Variants in CHEK1 observed in about 807,000 individuals in gnomAD.
The protein encoded by CHEK1 is checkpoint kinase 1.
CHEK1 carries 32 observed loss-of-function variants against 60.2 expected under a neutral mutation model. The ratio of observed to expected loss-of-function variants is 0.53; its 90% CI spans 0.40 to 0.71. CHEK1 has a LOEUF of 0.71. CHEK1 is among the 30% of genes least tolerant of loss of function. The pLI is 0.00. For missense variants in CHEK1, 399 were observed against 564.6 expected (o/e 0.71, Z 2.97); for synonymous variants, 179 against 187.2 (o/e 0.96, Z 0.36).
intron 5 of CHEK1, among the ~76,000 whole-genome samples, chr11:125,632,632 T>C (rs954996513): frequency 1.6e-4 from 24 of 152,214 alleles, no homozygotes; most frequent in African/African-American, 5.8e-4. Context: ...TCTGATATTT[T>C]TTTTTTGTAC....
chr11:125,674,322 AG>A (rs1032013309), intron 13 of CHEK1, among the ~76,000 whole-genome samples: 2 of 152,208 alleles, frequency 1.3e-5, no homozygotes, highest in African/African-American at 4.8e-5. Flanking sequence ...ATTTTGATTA[AG>A]GGGGGCATAG....
At position 125,625,730 on chromosome 11, in the gene CHEK1, C is replaced by A; in HGVS notation, c.-303C>A. 1 of 664,392 alleles carries A rather than the reference C, an allele frequency of 1.5e-6. No individual in the cohort carries two copies. The highest frequency in any genetic ancestry group is 1.6e-5 in the South Asian group (1 of 63,252). The allele number at this position is 664,392 out of a possible 1,614,324, so 41.2% of individuals were successfully genotyped here. A position where few individuals can be genotyped will look rare whatever the true frequency, so the allele number is the denominator to read the frequency against. On this transcript the variant is annotated 5_prime_UTR_variant, in exon 1 of 13. Transcript: ENST00000438015. ...TCGAGCCTCACACCGGATGCCACTT[C>A]ATATTTGGGCCCAGAGCTCAATTCG...
chr11:125,664,742 A>AT (rs895693917), intron 13 of CHEK1, among the ~76,000 whole-genome samples: 15 of 150,654 alleles, frequency 1.0e-4, no homozygotes, highest in South Asian at 4.2e-4. Flanking sequence ...CTTCATTCCG[A>AT]TTTTTTTTTG....
At chr11:125,644,297 T>C (rs1232136557) in intron 10 of CHEK1, 29 bp downstream of exon 10, 3 of 1,578,328 alleles carry the variant, frequency 1.9e-6, no homozygotes, top group Non-Finnish European at 2.6e-6. Context: ...TTAAAAGTAA[T>C]GGCAGCTCTT....
chr11:125,670,233 T>C (rs1942176031), intron 13 of CHEK1, among the ~76,000 whole-genome samples: 1 of 152,206 alleles, frequency 6.6e-6, no homozygotes, highest in South Asian at 2.1e-4. Context: ...GTCTGTTTAT[T>C]CGTATGGCAC....
intron 8 of CHEK1, among the ~76,000 whole-genome samples, chr11:125,639,502 G>A (rs184170458): frequency 1.4e-5 from 2 of 144,772 alleles, no homozygotes; most frequent in South Asian, 2.3e-4. Context: ...TTAGCCACCC[G>A]AGTAGCTGGG....
At chr11:125,677,231 G>A (rs190341115), downstream of CHEK1, among the ~76,000 whole-genome samples, 11 of 152,292 alleles carry the variant, frequency 7.2e-5, no homozygotes, top group East Asian at 1.2e-3. Flanking sequence ...ATAACTTGAG[G>A]CATCAAACTT....
downstream of CHEK1, chr11:125,677,959 T>C (rs1342578932): frequency 9.3e-6 from 15 of 1,612,070 alleles, no homozygotes; most frequent in Non-Finnish European, 1.1e-5. Context: ...TCAAGCTCAC[T>C]CAAAGGCTGT....
At chr11:125,675,959 G>A (rs575353095) in exon 14 of CHEK1, 10 of 161,010 alleles carry the variant, frequency 6.2e-5, no homozygotes, top group Admixed American at 1.8e-4. Context: ...CCAGGCTGGA[G>A]TACAATGGCA....
chr11:125,643,618 G>A (rs933847935), intron 8 of CHEK1, 174 bp from the exon 9 acceptor site: 2 of 552,942 alleles, frequency 3.6e-6, no homozygotes, highest in Non-Finnish European at 6.3e-6. Context: ...TTATAACTTG[G>A]CCATATTTTT....
chr11:125,667,816 T>C (rs920188720), intron 13 of CHEK1, among the ~76,000 whole-genome samples: 2 of 152,146 alleles, frequency 1.3e-5, no homozygotes, highest in African/African-American at 2.4e-5. Flanking sequence ...AGATGGGGTT[T>C]CACCATGTTG....
chr11:125,673,607 A>G (rs1942322139), intron 13 of CHEK1, among the ~76,000 whole-genome samples: 1 of 152,126 alleles, frequency 6.6e-6, no homozygotes, highest in African/African-American at 2.4e-5. Context: ...TTGAACTGTC[A>G]CATTACCAAC....
At chr11:125,635,114 C>T (rs930875675) in intron 6 of CHEK1, among the ~76,000 whole-genome samples, 2 of 152,048 alleles carry the variant, frequency 1.3e-5, no homozygotes, top group East Asian at 1.9e-4. Flanking sequence ...CACACCATCA[C>T]GCCCAGCTAA....
downstream of CHEK1, among the ~76,000 whole-genome samples, chr11:125,679,151 A>T (rs1195086417): frequency 6.7e-6 from 1 of 149,542 alleles, no homozygotes; most frequent in Non-Finnish European, 1.5e-5. Context: ...TACACTGGGA[A>T]TTACAAAACT....
intron 11 of CHEK1, among the ~76,000 whole-genome samples, chr11:125,650,047 C>CT (rs151218694): frequency 0.04 from 6,092 of 151,920 alleles, 146 homozygotes; most frequent in Non-Finnish European, 0.046. Flanking sequence ...GTGTGGATTT[C>CT]TTTTTTCATT....
At chr11:125,626,471 C>T (rs1940616712) in intron 1 of CHEK1, 4 of 490,366 alleles carry the variant, frequency 8.2e-6, no homozygotes, top group Non-Finnish European at 1.5e-5. Context: ...CATTTGTCTC[C>T]CACCTCTTCA....
rs188642486 is a variant in CHEK1 at position 125,634,994 on chromosome 11, G to A, written c.614-435G>A. Reference sequence around the variant, plus strand: ...TTTTTTTGAGACAAAGTCTTGCTCTGTCGCCCAGGCTGCAGTGCAGCAGTG... The same window carrying A: ...TTTTTTTGAGACAAAGTCTTGCTCTATCGCCCAGGCTGCAGTGCAGCAGTG... On this transcript the variant is annotated intron_variant, in intron 6 of 12. Transcript: ENST00000438015. Among the ~76,000 whole-genome samples, 1,055 of 148,796 alleles carry A rather than the reference G, an allele frequency of 7.1e-3. 5 individuals carry two copies. Among genetic ancestry groups the A allele is most frequent in the Non-Finnish European group, 0.011 (736 of 67,540 alleles).
intron 13 of CHEK1, among the ~76,000 whole-genome samples, chr11:125,673,665 T>C (rs1192695754): frequency 6.6e-6 from 1 of 152,184 alleles, no homozygotes; most frequent in African/African-American, 2.4e-5. Flanking sequence ...ATCTAAAACT[T>C]ACTATGCCCA....
chr11:125,658,497 T>C (rs574460253), downstream of CHEK1, among the ~76,000 whole-genome samples: 1 of 152,266 alleles, frequency 6.6e-6, no homozygotes, highest in Non-Finnish European at 1.5e-5. Context: ...ATTGAATATA[T>C]ATACTCTCCC....
Sources: gnomAD v4.1 joint callset for allele counts (sites outside exome capture counted in the v4.1 genomes callset) on GRCh38, gnomAD v4.1.1 for gene constraint, MANE v1.5 for transcripts, NCBI Gene and HGNC (gene_info 2026-07-23, HGNC 2026-07-21) for gene names.